Variants in MSTO1 observed in about 807,000 individuals in gnomAD.
The protein encoded by MSTO1 is misato mitochondrial distribution and morphology regulator 1.
Under a neutral mutation model 55.7 loss-of-function variants are expected in MSTO1, and 24 were observed. The ratio of observed to expected loss-of-function variants is 0.43; its 90% CI spans 0.31 to 0.61. MSTO1 has a LOEUF of 0.61. Ranked by LOEUF, MSTO1 falls within the 20% of genes least tolerant of loss-of-function variation. The pLI is 0.09. For synonymous variants in MSTO1, 162 were observed against 252.8 expected (o/e 0.64, Z 3.41); for missense variants, 363 against 625.7 (o/e 0.58, Z 4.48).
chr1:155,591,658 C>T, the MSTO1 span, among the ~76,000 whole-genome samples: 10 of 151,886 alleles, frequency 6.6e-5, no homozygotes, highest in East Asian at 3.9e-4. Flanking sequence ...GGCGTGGTGG[C>T]GCATGCCTGT....
At chr1:155,591,595 A>G in the MSTO1 span, among the ~76,000 whole-genome samples, 2 of 152,126 alleles carry the variant, frequency 1.3e-5, no homozygotes, top group African/African-American at 2.4e-5. Flanking sequence ...GTTCAAGACC[A>G]GCCTGACCAA....
At chr1:155,603,986 A>T in the MSTO1 span, among the ~76,000 whole-genome samples, 1 of 152,208 alleles carries the variant, frequency 6.6e-6, no homozygotes, top group Admixed American at 6.5e-5. Flanking sequence ...AGGAAGACAG[A>T]GAGAAAAGAG....
At chr1:155,596,525 C>T in the MSTO1 span, among the ~76,000 whole-genome samples, 1 of 152,188 alleles carries the variant, frequency 6.6e-6, no homozygotes, top group Non-Finnish European at 1.5e-5. Flanking sequence ...TAGCTTATGC[C>T]TGTAATCCCA....
At chr1:155,576,662 T>C in the MSTO1 span, among the ~76,000 whole-genome samples, 20 of 151,762 alleles carry the variant, frequency 1.3e-4, no homozygotes, top group South Asian at 1.9e-3. Flanking sequence ...TGATGTTATA[T>C]CTAAGAAACC....
chr1:155,587,613 G>A, the MSTO1 span, among the ~76,000 whole-genome samples: 18 of 151,222 alleles, frequency 1.2e-4, no homozygotes, highest in East Asian at 2.3e-3. Context: ...GCGTGGTGGC[G>A]GGCGCCTATA....
At chr1:155,609,243 A>ATATTTTTTTTTTTTT (rs59756178), upstream of MSTO1, among the ~76,000 whole-genome samples, 6 of 54,588 alleles carry the variant, frequency 1.1e-4, no homozygotes, top group Non-Finnish European at 1.2e-4. Context: ...ATATATATAT[A>ATATTTTTTTTTTTTT]TTTTTTTTTT....
the MSTO1 span, among the ~76,000 whole-genome samples, chr1:155,596,449 T>A: frequency 1.3e-5 from 2 of 152,132 alleles, no homozygotes; most frequent in African/African-American, 4.8e-5. Context: ...CACCTTTATA[T>A]ACATACTGGG....
Position 155,613,467 on chromosome 1 carries a change from T to C in MSTO1, c.1289T>C (p.Leu430Pro), listed in dbSNP as rs776258256. The C allele has an allele frequency of 6.2e-7, 1 of 1,614,086 alleles. No homozygotes were observed. ...TTTTGGCTTTGTTCTGGCAGCCAGC[T>C]CACCCCAGGGACACCTCCACCCTCT... ...GIDRACHTSQ[L>P]TPGTPPPSAL... is the part of the protein sequence containing the mutation. Residue 430 changes from leucine to proline, a missense_variant, in exon 12 of 14, where the codon CTC (leucine) becomes CCC (proline). Physicochemically the swap from Leu to Pro is moderately conservative, Grantham distance 98. This residue lies in a region of MSTO1 where 231 missense variants were observed against 286.9 expected (regional missense o/e 0.81). Coordinates refer to ENST00000245564, the MANE Select transcript of MSTO1 (RefSeq NM_018116.4).
At chr1:155,571,027 G>C in the MSTO1 span, among the ~76,000 whole-genome samples, 1 of 152,166 alleles carries the variant, frequency 6.6e-6, no homozygotes, top group African/African-American at 2.4e-5. Context: ...AACACCTATA[G>C]CTACAAGACT....
intron 7 of MSTO1, 41 bp downstream of exon 7, chr1:155,612,141 C>T (rs757047839): frequency 1.2e-6 from 2 of 1,613,412 alleles, no homozygotes; most frequent in East Asian, 2.2e-5. Context: ...GGAAGCTCTT[C>T]TCATCCTGCT....
chr1:155,572,355 A>G, the MSTO1 span, among the ~76,000 whole-genome samples: 18 of 152,298 alleles, frequency 1.2e-4, no homozygotes, highest in South Asian at 2.9e-3. Flanking sequence ...ATTACTGATC[A>G]TGAGGAATCA....
the MSTO1 span, among the ~76,000 whole-genome samples, chr1:155,575,568 A>G: frequency 6.6e-6 from 1 of 151,536 alleles, no homozygotes; most frequent in African/African-American, 2.4e-5. Flanking sequence ...TCAGCCCCCC[A>G]AATAGCTGGG....
At position 155,613,523 on chromosome 1, in the gene MSTO1, A is replaced by G; in HGVS notation, c.1345A>G (p.Ile449Val). ...TCATGCATGTACCACTGGGGAAGAA[A>G]TCTTGGCTCAGTATTTACAACAGCA... ...ALHACTTGEE[I>V]LAQYLQQQQP... The change falls in exon 12 of 14, where the codon ATC (isoleucine) becomes GTC (valine). Residue 449 changes from isoleucine to valine, a missense_variant. This residue lies in a region of MSTO1 where 231 missense variants were observed against 286.9 expected (regional missense o/e 0.81). Coordinates refer to ENST00000245564, the MANE Select transcript of MSTO1 (RefSeq NM_018116.4). 6.2e-7 allele frequency: 1 copy of G among 1,613,330 alleles called. No homozygotes were observed. The highest frequency in any genetic ancestry group is 8.5e-7 in the Non-Finnish European group (1 of 1,179,718).
the MSTO1 span, chr1:155,598,769 G>T: frequency 1.2e-6 from 1 of 839,020 alleles, no homozygotes; most frequent in Non-Finnish European, 2.0e-6. Context: ...GACAGTACAA[G>T]TGACCTTTCT....
At chr1:155,584,378 A>C in the MSTO1 span, among the ~76,000 whole-genome samples, 1 of 151,914 alleles carries the variant, frequency 6.6e-6, no homozygotes, top group Non-Finnish European at 1.5e-5. Flanking sequence ...AAAAAATAAC[A>C]AACTTGAGGC....
the MSTO1 span, among the ~76,000 whole-genome samples, chr1:155,587,439 CAAAAAAAAA>C: frequency 1.9e-5 from 1 of 52,676 alleles, no homozygotes; most frequent in Non-Finnish European, 3.5e-5. Context: ...GACTACGTCT[CAAAAAAAAA>C]AAAAAAAAAA....
At chr1:155,596,602 T>C in the MSTO1 span, among the ~76,000 whole-genome samples, 1 of 151,716 alleles carries the variant, frequency 6.6e-6, no homozygotes, top group East Asian at 1.9e-4. Context: ...CTGGGCAACA[T>C]AGAGAGTCCC....
At chr1:155,563,315 A>G in the MSTO1 span, 1 of 455,694 alleles carries the variant, frequency 2.2e-6, no homozygotes, top group Non-Finnish European at 4.4e-6. Context: ...CAGGAGAACT[A>G]GTCCTCGACT....
the MSTO1 span, among the ~76,000 whole-genome samples, chr1:155,582,443 T>A: frequency 6.6e-6 from 1 of 152,076 alleles, no homozygotes. Context: ...TTGATAGGAT[T>A]TCTCTGCTTA....
Sources: allele counts gnomAD v4.1 joint callset (sites outside exome capture counted in the v4.1 genomes callset), GRCh38; gene constraint gnomAD v4.1.1; regional missense constraint gnomAD v4.1.1; transcripts MANE v1.5; gene names NCBI Gene and HGNC (gene_info 2026-07-23, HGNC 2026-07-21).